The following MAPK14 variants were observed in gnomAD, a reference collection of about 807,000 sequenced individuals.
The protein encoded by MAPK14 is CSAID-binding protein.
Under a neutral mutation model 49.6 loss-of-function variants are expected in MAPK14, and 16 were observed. That is an observed-to-expected ratio of 0.32 (90% CI 0.22 to 0.49). The LOEUF (loss-of-function observed/expected upper bound fraction) is 0.49, where lower values mean the gene tolerates loss of function less well. Among genes scored for constraint, MAPK14 ranks in the 20% least tolerant of loss-of-function variants. MAPK14 has a pLI of 0.99. For missense variants in MAPK14, 200 were observed against 441.2 expected (o/e 0.45, Z 4.90); for synonymous variants, 142 against 158.0 (o/e 0.90, Z 0.76).
intron 10 of MAPK14, among the ~76,000 whole-genome samples, chr6:36,104,981 G>A (rs2127475082): frequency 6.6e-6 from 1 of 152,270 alleles, no homozygotes; most frequent in Non-Finnish European, 1.5e-5. Flanking sequence ...GCTCAGCACT[G>A]TACTTCTCAG....
downstream of MAPK14, among the ~76,000 whole-genome samples, chr6:36,111,997 G>C (rs1341690633): frequency 2.6e-5 from 4 of 152,176 alleles, no homozygotes; most frequent in South Asian, 6.2e-4. Context: ...ACGAGGTCAG[G>C]AGATCGAGAC....
At chr6:36,084,471 TTA>T (rs1663009163) in intron 8 of MAPK14, among the ~76,000 whole-genome samples, 1 of 152,202 alleles carries the variant, frequency 6.6e-6, no homozygotes, top group Non-Finnish European at 1.5e-5. Context: ...ACAGGAGCTG[TTA>T]ACCAGAATAA....
chr6:36,087,705 A>G (rs975294257), intron 8 of MAPK14, among the ~76,000 whole-genome samples: 2 of 152,216 alleles, frequency 1.3e-5, no homozygotes, highest in Non-Finnish European at 2.9e-5. Flanking sequence ...GAAAATGGCC[A>G]TATTGCCCAA....
chr6:36,100,020 A>T lies in MAPK14; in HGVS notation c.763-2551A>T, dbSNP rs2071865. On this transcript the variant is annotated intron_variant, in intron 9 of 11. Coordinates refer to ENST00000229794, the MANE Select transcript of MAPK14 (RefSeq NM_139012.3). ...GGCTACGTGCCTAGTTACTCATGTC[A>T]TTCACAGAAGTGTACTGTAGCATGC... Among the ~76,000 whole-genome samples the T allele has an allele frequency of 7.2e-5, 11 of 152,320 alleles. No homozygotes were observed. In the East Asian group the frequency reaches 2.1e-3, roughly 29 times the overall value.
chr6:36,100,327 G>A, intron 9 of MAPK14: 1 of 1,255,754 alleles, frequency 8.0e-7, no homozygotes, highest in Non-Finnish European at 1.2e-6. Context: ...TCATTTTATT[G>A]CCACCGTATA....
At chr6:36,067,650 T>G (rs1764113272) in intron 3 of MAPK14, among the ~76,000 whole-genome samples, 1 of 152,188 alleles carries the variant, frequency 6.6e-6, no homozygotes, top group Non-Finnish European at 1.5e-5. Context: ...AATCTTTGCT[T>G]CAAGTGAGAA....
intron 6 of MAPK14, among the ~76,000 whole-genome samples, 182 bp from the exon 7 acceptor site, chr6:36,075,666 A>G (rs1354904157): frequency 1.3e-5 from 2 of 152,134 alleles, no homozygotes; most frequent in Non-Finnish European, 2.9e-5. Context: ...TTTCATTTTA[A>G]GTTCTTGCTG....
At chr6:36,066,065 CTCTT>C (rs1562122076) in intron 3 of MAPK14, among the ~76,000 whole-genome samples, 1 of 152,100 alleles carries the variant, frequency 6.6e-6, no homozygotes, top group Non-Finnish European at 1.5e-5. Context: ...TCTATAAAAA[CTCTT>C]TTTTTTTCAG....
chr6:36,034,962 G>C (rs1037849741), intron 1 of MAPK14, among the ~76,000 whole-genome samples: 2 of 147,178 alleles, frequency 1.4e-5, no homozygotes, highest in South Asian at 4.3e-4. Flanking sequence ...GCCATGGTGC[G>C]ATCTCGGCTC....
Position 36,107,522 on chromosome 6 carries a change from T to C in MAPK14, c.909T>C (p.Leu303=). ...SDKRITAAQA[L]AHAYFAQYHD... is the part of the protein sequence containing the mutation. ...AGAGAATTACAGCGGCCCAAGCCCT[T>C]GCACATGCCTACTTTGCTCAGTACC... is the stretch of plus-strand genomic sequence containing the variant. The change falls in exon 11 of 12, where the codon CTT becomes CTC. Residue 303 remains leucine (L), a synonymous_variant. Transcript: ENST00000229794. This position sits in a 1 kb window ranked among gnomAD's most constrained non-coding sequence, Gnocchi z 4.3. 6.2e-7 allele frequency: 1 copy of C among 1,606,152 alleles called. No individual in the cohort carries two copies. The highest frequency in any genetic ancestry group is 8.5e-7 in the Non-Finnish European group (1 of 1,176,282).
At chr6:36,067,329 A>C (rs751118501) in intron 3 of MAPK14, among the ~76,000 whole-genome samples, 13 of 152,126 alleles carry the variant, frequency 8.5e-5, no homozygotes, top group Admixed American at 6.6e-5. Context: ...TGTGTTCTCC[A>C]TCACCGTATG....
intron 3 of MAPK14, among the ~76,000 whole-genome samples, chr6:36,064,064 TTGTGTGTGTGTGTG>T (rs112138637): frequency 6.7e-5 from 10 of 149,624 alleles, no homozygotes; most frequent in Admixed American, 6.0e-4. Context: ...TGCCTTTTCT[TTGTGTGTGTGTGTG>T]TGTGTGTGTG....
chr6:36,097,472 G>A (rs987958216), intron 9 of MAPK14: 16 of 152,120 alleles, frequency 1.1e-4, no homozygotes, highest in African/African-American at 2.7e-4. Flanking sequence ...CTTAGAAAGA[G>A]CAGTACTTTT....
rs1765893283 is a variant in MAPK14, at chr6:36,109,236, A to AC, written c.*794dup. ...ATATGTGCGTCTCTCTTTCTCCCTC[A>AC]CCCCCAGGTGTTGCCATTTCTCTGC... is the stretch of plus-strand genomic sequence containing the variant. On this transcript the variant is annotated 3_prime_UTR_variant, in exon 12 of 12. Coordinates refer to ENST00000229794, the MANE Select transcript of MAPK14 (RefSeq NM_139012.3). The AC allele has an allele frequency of 6.6e-6, 1 of 152,114 alleles. No homozygotes were observed. Among genetic ancestry groups the AC allele is most frequent in the African/African-American group, 2.4e-5 (1 of 41,272 alleles). The allele number at this position is 152,114 out of a possible 1,614,324, so 9.4% of individuals were successfully genotyped here. A position where few individuals can be genotyped will look rare whatever the true frequency, so the allele number is the denominator to read the frequency against.
intron 8 of MAPK14, among the ~76,000 whole-genome samples, chr6:36,093,836 A>G (rs1032969399): frequency 1.3e-5 from 2 of 152,104 alleles, no homozygotes; most frequent in Non-Finnish European, 2.9e-5. Context: ...CTTTTGATGC[A>G]TATATTGTAA....
At chr6:36,030,188 C>T (rs532648829) in intron 1 of MAPK14, among the ~76,000 whole-genome samples, 2 of 152,076 alleles carry the variant, frequency 1.3e-5, no homozygotes, top group South Asian at 2.1e-4. Context: ...TGCAAGGGTT[C>T]GCTACTATTG....
the MAPK14 span, among the ~76,000 whole-genome samples, chr6:36,121,362 G>GGGCTGCCTGCCGCT: frequency 1.3e-4 from 20 of 152,186 alleles, no homozygotes; most frequent in Non-Finnish European, 4.4e-5. Context: ...AATCACAGCT[G>GGGCTGCCTGCCGCT]GGCTGCCTGC....
chr6:36,078,309 G>A (rs551776579), intron 8 of MAPK14, among the ~76,000 whole-genome samples: 2 of 152,280 alleles, frequency 1.3e-5, no homozygotes, highest in Non-Finnish European at 2.9e-5. Context: ...GTAAATGTTA[G>A]CCATCATGTT....
At chr6:36,096,927 G>T (rs186576697) in intron 9 of MAPK14, 2 of 152,306 alleles carry the variant, frequency 1.3e-5, no homozygotes, top group Admixed American at 1.3e-4. Context: ...CCCTCGATCT[G>T]CTGCCAGGCA....
Sources: allele counts gnomAD v4.1 joint callset (sites outside exome capture counted in the v4.1 genomes callset), GRCh38; gene constraint gnomAD v4.1.1; non-coding constraint Gnocchi (gnomAD v3.1); transcripts MANE v1.5; gene names NCBI Gene and HGNC (gene_info 2026-07-23, HGNC 2026-07-21).